BICC1: variants seen among roughly 807,000 people sequenced by gnomAD.
BICC1 encodes the protein BicC family RNA binding protein 1.
A neutral mutation model predicts 111.0 loss-of-function variants in BICC1; 43 were observed. That is an observed-to-expected ratio of 0.39 (90% CI 0.30 to 0.50). BICC1 has a LOEUF of 0.50. Among genes scored for constraint, BICC1 ranks in the 20% least tolerant of loss-of-function variants. The probability of loss-of-function intolerance (pLI) is 0.88; values close to 1 mark genes in which losing one functional copy is unlikely to be tolerated. For synonymous variants in BICC1, 467 were observed against 434.4 expected (o/e 1.07, Z -0.93); for missense variants, 1,091 against 1,203.2 (o/e 0.91, Z 1.38).
chr10:58,779,328 A>G (rs1233781697), intron 3 of BICC1, among the ~76,000 whole-genome samples: 1 of 152,242 alleles, frequency 6.6e-6, no homozygotes, highest in African/African-American at 2.4e-5. Flanking sequence ...CTAAAAGCAC[A>G]TTATTCAGGA....
chr10:58,765,840 T>C (rs552621946), intron 3 of BICC1, among the ~76,000 whole-genome samples: 7 of 152,270 alleles, frequency 4.6e-5, no homozygotes, highest in African/African-American at 1.7e-4. Flanking sequence ...TTAAAGTCAC[T>C]CTATTAAAGG....
At chr10:58,723,850 T>C (rs1841015503) in intron 3 of BICC1, among the ~76,000 whole-genome samples, 1 of 152,232 alleles carries the variant, frequency 6.6e-6, no homozygotes, top group African/African-American at 2.4e-5. Context: ...GCTGGGCTTA[T>C]GGGTTGCTAA....
intron 9 of BICC1, 130 bp from the exon 10 acceptor site, chr10:58,796,210 A>T: frequency 1.3e-6 from 1 of 751,616 alleles, no homozygotes; most frequent in South Asian, 1.9e-5. Flanking sequence ...CAGATGATTT[A>T]AAAGCAGCAT....
chr10:58,599,542 C>T (rs1278032101), intron 1 of BICC1, among the ~76,000 whole-genome samples: 1 of 152,088 alleles, frequency 6.6e-6, no homozygotes, highest in Non-Finnish European at 1.5e-5. Context: ...GGAGAAATAC[C>T]TAATGTAGGT....
chr10:58,717,341 AAAGCAGGGTTTT>A (rs1346444951), intron 3 of BICC1, among the ~76,000 whole-genome samples: 1 of 108,934 alleles, frequency 9.2e-6, no homozygotes, highest in Non-Finnish European at 1.8e-5. Context: ...TAGCATGTAA[AAAGCAGGGTTTT>A]GATTAAAAAA....
At chr10:58,532,677 A>C (rs137955913) in intron 1 of BICC1, among the ~76,000 whole-genome samples, 1 of 151,856 alleles carries the variant, frequency 6.6e-6, no homozygotes, top group Non-Finnish European at 1.5e-5. Context: ...TTCACAGAAG[A>C]AGCAATGGCC....
At chr10:58,763,187 T>C (rs1382184974) in intron 3 of BICC1, among the ~76,000 whole-genome samples, 1 of 152,190 alleles carries the variant, frequency 6.6e-6, no homozygotes. Flanking sequence ...ATAATATGCT[T>C]CCAATAATGA....
chr10:58,744,197 G>A (rs1321513051), intron 3 of BICC1, among the ~76,000 whole-genome samples: 1 of 152,088 alleles, frequency 6.6e-6, no homozygotes, highest in East Asian at 1.9e-4. Flanking sequence ...CTTGAAACAA[G>A]TATTATTTCA....
intron 3 of BICC1, among the ~76,000 whole-genome samples, chr10:58,712,928 G>A (rs770907939): frequency 6.6e-6 from 1 of 151,968 alleles, no homozygotes; most frequent in African/African-American, 2.4e-5. Flanking sequence ...GCCGGAAACT[G>A]CCCTGAAAAA....
intron 3 of BICC1, among the ~76,000 whole-genome samples, chr10:58,724,384 T>C (rs1564575769): frequency 6.6e-6 from 1 of 152,148 alleles, no homozygotes; most frequent in South Asian, 2.1e-4. Flanking sequence ...TGTGTCTGTG[T>C]GTGTGTGTAT....
intron 3 of BICC1, among the ~76,000 whole-genome samples, chr10:58,714,764 A>G: frequency 6.6e-6 from 1 of 152,108 alleles, no homozygotes; most frequent in Non-Finnish European, 1.5e-5. Context: ...GCTGGACAGA[A>G]TTCAGGGACA....
At chr10:58,784,346 A>G (rs919922873) in intron 3 of BICC1, among the ~76,000 whole-genome samples, 4 of 152,314 alleles carry the variant, frequency 2.6e-5, no homozygotes, top group African/African-American at 9.6e-5. Flanking sequence ...GTTTAATGGC[A>G]GTAATAAACA....
chr10:58,711,443 A>G (rs1003510418), intron 3 of BICC1, among the ~76,000 whole-genome samples: 1 of 152,204 alleles, frequency 6.6e-6, no homozygotes, highest in African/African-American at 2.4e-5. Context: ...GAATAACTGT[A>G]TTTGTAGATA....
chr10:58,694,610 C>A (rs570260579), intron 2 of BICC1, among the ~76,000 whole-genome samples: 2 of 152,162 alleles, frequency 1.3e-5, no homozygotes, highest in Non-Finnish European at 2.9e-5. Context: ...GTCCTGTCCT[C>A]TGTTCAGAGT....
intron 3 of BICC1, among the ~76,000 whole-genome samples, chr10:58,705,584 G>A (rs544970907): frequency 3.3e-5 from 5 of 152,036 alleles, no homozygotes; most frequent in South Asian, 4.2e-4. Context: ...TTCTGTGACC[G>A]TATTCTAGAT....
At position 58,555,991 on chromosome 10, in the gene BICC1, C is replaced by G. The variant is rs1186698295; in HGVS notation, c.190+42658C>G. On this transcript the variant is annotated intron_variant, in intron 1 of 20. Coordinates refer to ENST00000373886, the MANE Select transcript of BICC1 (RefSeq NM_001080512.3). ...TATTCTTAAAATTTTTTTTTATTTC[C>G]TTAATTATGGTTATTTAGATAATCC... Among the ~76,000 whole-genome samples the G allele has an allele frequency of 3.3e-5, 5 of 151,768 alleles. No individual in the cohort carries two copies. The East Asian group carries it at 9.6e-4, about 29-fold the overall frequency.
chr10:58,664,474 GC>G, intron 2 of BICC1, among the ~76,000 whole-genome samples: 1 of 146,458 alleles, frequency 6.8e-6, no homozygotes, highest in South Asian at 2.2e-4. Context: ...TCAGTCTGTG[GC>G]TTTGTTCTGC....
intron 2 of BICC1, among the ~76,000 whole-genome samples, chr10:58,633,858 A>G (rs1837870032): frequency 6.6e-6 from 1 of 152,192 alleles, no homozygotes; most frequent in Non-Finnish European, 1.5e-5. Context: ...TGGTATTAGC[A>G]TTTAACCACC....
intron 3 of BICC1, chr10:58,716,224 A>G: frequency 1.3e-6 from 2 of 1,502,954 alleles, no homozygotes; most frequent in African/African-American, 2.8e-5. Flanking sequence ...AACAAAAAAG[A>G]ATAAGAAGCA....
Sources: gnomAD v4.1 joint callset for allele counts (sites outside exome capture counted in the v4.1 genomes callset) on GRCh38, gnomAD v4.1.1 for gene constraint, MANE v1.5 for transcripts, NCBI Gene and HGNC (gene_info 2026-07-23, HGNC 2026-07-21) for gene names.